SLIT3: variants seen among roughly 807,000 people sequenced by gnomAD.
The protein encoded by SLIT3 is slit homolog 3 protein.
Under a neutral mutation model 184.0 loss-of-function variants are expected in SLIT3, and 68 were observed. The ratio of observed to expected loss-of-function variants is 0.37; its 90% CI spans 0.30 to 0.45. The LOEUF is 0.45. SLIT3 is among the 20% of genes least tolerant of loss of function. The probability of loss-of-function intolerance (pLI) is 1.00; values close to 1 mark genes in which losing one functional copy is unlikely to be tolerated. For missense variants in SLIT3, 1,707 were observed against 2,026.0 expected, an observed-to-expected ratio of 0.84 and a Z score of 3.02; for synonymous variants, 831 against 828.6, an observed-to-expected ratio of 1.00 and a Z score of -0.05.
chr5:169,137,604 T>C (rs1008899694), intron 4 of SLIT3, among the ~76,000 whole-genome samples: 2 of 151,932 alleles, frequency 1.3e-5, no homozygotes, highest in African/African-American at 2.4e-5. Flanking sequence ...GCCACTTGCT[T>C]AGGTGGCTCT....
chr5:168,715,790 A>G (rs969315814), intron 23 of SLIT3, among the ~76,000 whole-genome samples: 1 of 152,088 alleles, frequency 6.6e-6, no homozygotes, highest in African/African-American at 2.4e-5. Flanking sequence ...CTCCTGCCTC[A>G]GCCTCCTGAG....
chr5:169,193,602 A>G, intron 3 of SLIT3, 52 bp from the exon 4 acceptor site: 1 of 1,344,362 alleles, frequency 7.4e-7, no homozygotes, highest in Non-Finnish European at 1.1e-6. Context: ...AACCAGATCA[A>G]ACGTATTCAG....
At chr5:168,910,953 T>C (rs1761233059) in intron 4 of SLIT3, among the ~76,000 whole-genome samples, 1 of 152,114 alleles carries the variant, frequency 6.6e-6, no homozygotes, top group South Asian at 2.1e-4. Context: ...CATGCCTTTT[T>C]GTAAAGAAAA....
intron 4 of SLIT3, among the ~76,000 whole-genome samples, chr5:169,174,377 C>G (rs1762906703): frequency 1.3e-5 from 2 of 152,194 alleles, no homozygotes; most frequent in African/African-American, 4.8e-5. Context: ...TTTCCAGCAG[C>G]TGGGGTGACA....
intron 33 of SLIT3, among the ~76,000 whole-genome samples, chr5:168,672,410 G>A (rs1307703159): frequency 1.3e-5 from 2 of 152,180 alleles, no homozygotes; most frequent in Admixed American, 1.3e-4. Context: ...TTAACCCCTT[G>A]AGAACTATCA....
intron 1 of SLIT3, among the ~76,000 whole-genome samples, chr5:169,285,679 A>G (rs1164136840): frequency 6.6e-6 from 1 of 152,212 alleles, no homozygotes; most frequent in Non-Finnish European, 1.5e-5. Flanking sequence ...GTGAGAAGTT[A>G]GACTACTCAG....
chr5:168,851,180 G>A lies in SLIT3; in HGVS notation c.486-6525C>T, dbSNP rs142847457. Among the ~76,000 whole-genome samples the A allele has an allele frequency of 5.4e-3, 816 of 152,026 alleles. 9 individuals are homozygous for A. The highest frequency in any genetic ancestry group is 0.019 in the African/African-American group (780 of 41,474). ...CTACTGAAAATACAAAAAATTAGCC[G>A]GGCGTGGTGGCGGGCGCCTGTAGTC... On this transcript the variant is annotated intron_variant, in intron 5 of 35. Transcript: ENST00000519560.
At chr5:168,766,865 TCTA>T (rs935554959) in intron 14 of SLIT3, among the ~76,000 whole-genome samples, 2 of 152,234 alleles carry the variant, frequency 1.3e-5, no homozygotes, top group Non-Finnish European at 2.9e-5. Flanking sequence ...TCAAGTTCTT[TCTA>T]CTAACAGATG....
chr5:168,916,376 G>C (rs567993496), intron 4 of SLIT3, among the ~76,000 whole-genome samples: 1 of 152,246 alleles, frequency 6.6e-6, no homozygotes, highest in Admixed American at 6.5e-5. Context: ...AGCTGTGGGA[G>C]GTGCTTCGCT....
chr5:168,686,188 G>A (rs1413778685), intron 30 of SLIT3, among the ~76,000 whole-genome samples: 1 of 152,158 alleles, frequency 6.6e-6, no homozygotes, highest in African/African-American at 2.4e-5. Context: ...AGGATCGCTT[G>A]TGCACAGGAG....
chr5:169,033,881 C>T (rs1394820309), intron 4 of SLIT3, among the ~76,000 whole-genome samples: 4 of 146,738 alleles, frequency 2.7e-5, no homozygotes, highest in African/African-American at 1.0e-4. Context: ...GGCACAATCT[C>T]GGCTCACTGC....
chr5:168,920,055 AT>A lies in SLIT3; in HGVS notation c.414-36720del, dbSNP rs1198508116. Among the ~76,000 whole-genome samples, 6 of 152,190 alleles carry A rather than the reference AT, an allele frequency of 3.9e-5. No individual in the cohort carries two copies. The East Asian group carries it at 7.7e-4, about 20-fold the overall frequency. Reference sequence around the variant, plus strand: ...TTCTACTACGTGGAAGTGAGTGTTTATTTTTTTCTAGAAGGGATCTCTAGCA... The same window carrying A: ...TTCTACTACGTGGAAGTGAGTGTTTATTTTTTCTAGAAGGGATCTCTAGCA... On this transcript the variant is annotated intron_variant, in intron 4 of 35. Coordinates refer to ENST00000519560, the MANE Select transcript of SLIT3 (RefSeq NM_003062.4).
intron 4 of SLIT3, among the ~76,000 whole-genome samples, chr5:168,960,229 C>T (rs997226875): frequency 2.4e-4 from 36 of 152,280 alleles, no homozygotes; most frequent in South Asian, 1.2e-3. Flanking sequence ...AGGTAATAGT[C>T]GGTGCTTGGT....
intron 12 of SLIT3, 147 bp from the exon 13 acceptor site, chr5:168,774,525 G>A (rs1409193903): frequency 1.2e-6 from 1 of 862,662 alleles, no homozygotes; most frequent in Non-Finnish European, 1.8e-6. Context: ...AAAAGAGAGA[G>A]ACCTGCCTTC....
chr5:169,045,497 G>A (rs992559168), intron 4 of SLIT3, among the ~76,000 whole-genome samples: 8 of 151,890 alleles, frequency 5.3e-5, no homozygotes, highest in African/African-American at 1.7e-4. Flanking sequence ...TTCAAGACCT[G>A]GGTGCACCAT....
chr5:169,231,745 A>G (rs1363258334), intron 3 of SLIT3, among the ~76,000 whole-genome samples: 2 of 152,186 alleles, frequency 1.3e-5, no homozygotes, highest in Admixed American at 1.3e-4. Context: ...TCTGATTGGT[A>G]CTGCCCATAT....
At chr5:168,863,758 T>C (rs998890836) in intron 5 of SLIT3, among the ~76,000 whole-genome samples, 4 of 152,186 alleles carry the variant, frequency 2.6e-5, no homozygotes, top group Non-Finnish European at 4.4e-5. Flanking sequence ...TGTTTTATGT[T>C]ACACAAATAT....
intron 6 of SLIT3, among the ~76,000 whole-genome samples, chr5:168,826,639 T>A (rs1241343900): frequency 6.6e-6 from 1 of 152,240 alleles, no homozygotes; most frequent in Admixed American, 6.5e-5. Flanking sequence ...ATGGAGATAA[T>A]AATAGCACTG....
chr5:169,043,219 A>G (rs1446581256), intron 4 of SLIT3, among the ~76,000 whole-genome samples: 2 of 152,238 alleles, frequency 1.3e-5, no homozygotes, highest in Non-Finnish European at 2.9e-5. Context: ...ATTCAAAGCC[A>G]AAGTCAGTTT....
Sources: gnomAD v4.1 joint callset for allele counts (sites outside exome capture counted in the v4.1 genomes callset) on GRCh38, gnomAD v4.1.1 for gene constraint, MANE v1.5 for transcripts, NCBI Gene and HGNC (gene_info 2026-07-23, HGNC 2026-07-21) for gene names.